OR56A3: variants seen among roughly 807,000 people sequenced by gnomAD.
The protein encoded by OR56A3 is olfactory receptor family 56 subfamily A member 3.
OR56A3 carries 23 observed loss-of-function variants against 17.5 expected under a neutral mutation model. That is an observed-to-expected ratio of 1.32 (90% CI 0.95 to 1.87). The LOEUF is 1.87. OR56A3 is among the 40% of genes most tolerant of loss of function. The pLI is 0.00. For synonymous variants in OR56A3, 175 were observed against 150.6 expected (o/e 1.16, Z -1.19); for missense variants, 366 against 380.1 (o/e 0.96, Z 0.31).
At chr11:5,985,410 G>T in the OR56A3 span, among the ~76,000 whole-genome samples, 1 of 152,090 alleles carries the variant, frequency 6.6e-6, no homozygotes, top group African/African-American at 2.4e-5. Context: ...ACTTATGTTT[G>T]TTTTAAATAA....
At chr11:5,995,078 G>C in the OR56A3 span, 3 of 607,910 alleles carry the variant, frequency 4.9e-6, no homozygotes, top group South Asian at 5.2e-5. Flanking sequence ...CTGCTGACTG[G>C]CCGGGTGCCA....
the OR56A3 span, among the ~76,000 whole-genome samples, chr11:6,015,950 A>C: frequency 5.9e-5 from 9 of 152,114 alleles, no homozygotes; most frequent in East Asian, 1.7e-3. Flanking sequence ...TGTGAGAAGG[A>C]CATGAGATTT....
At chr11:6,011,785 G>A in the OR56A3 span, among the ~76,000 whole-genome samples, 1 of 152,178 alleles carries the variant, frequency 6.6e-6, no homozygotes, top group Admixed American at 6.5e-5. Context: ...GAGCAGTGAG[G>A]GGTGGGTGTG....
At position 5,950,761 on chromosome 11, in the gene OR56A3, C is replaced by T. The variant is rs1322596550; in HGVS notation, c.*2467C>T. The T allele has an allele frequency of 6.6e-6, 1 of 152,042 alleles. No individual in the cohort carries two copies. Among genetic ancestry groups the T allele is most frequent in the African/African-American group, 2.4e-5 (1 of 41,410 alleles). The allele number at this position is 152,042 out of a possible 1,614,324, so 9.4% of individuals were successfully genotyped here. ...TTTTCTGTACTAAGTCTTTGAAACA[C>T]CCTGAGTATTTTACACTTAACATAC... On this transcript the variant is annotated 3_prime_UTR_variant, in exon 3 of 3. Transcript: ENST00000641160.
At chr11:5,999,436 C>T in the OR56A3 span, 1 of 152,142 alleles carries the variant, frequency 6.6e-6, no homozygotes, top group African/African-American at 2.4e-5. Flanking sequence ...TAAATTAACA[C>T]CATTTTCAAG....
chr11:5,998,666 T>C, the OR56A3 span, among the ~76,000 whole-genome samples: 1 of 152,138 alleles, frequency 6.6e-6, no homozygotes, highest in Non-Finnish European at 1.5e-5. Context: ...AAGAACCCAA[T>C]AGGACACTCT....
chr11:5,957,163 A>G, the OR56A3 span, among the ~76,000 whole-genome samples: 4 of 152,176 alleles, frequency 2.6e-5, no homozygotes, highest in African/African-American at 9.7e-5. Flanking sequence ...AAATAAATAA[A>G]TAAATAAATA....
At chr11:5,957,928 G>C in the OR56A3 span, among the ~76,000 whole-genome samples, 7 of 152,162 alleles carry the variant, frequency 4.6e-5, no homozygotes, top group South Asian at 2.1e-4. Context: ...TGAAATTCTA[G>C]TTATCCAGAA....
At chr11:5,984,069 C>A in the OR56A3 span, among the ~76,000 whole-genome samples, 4 of 152,110 alleles carry the variant, frequency 2.6e-5, no homozygotes, top group Admixed American at 6.5e-5. Flanking sequence ...ATTAAATTGC[C>A]TCATGTCCAG....
intron 1 of OR56A3, chr11:5,943,244 A>G (rs550344772): frequency 6.6e-6 from 1 of 152,292 alleles, no homozygotes; most frequent in East Asian, 1.9e-4. Flanking sequence ...TAATCCTCCC[A>G]TGTAATCCTC....
the OR56A3 span, chr11:5,999,330 T>C: frequency 2.0e-5 from 3 of 152,224 alleles, no homozygotes; most frequent in Admixed American, 2.0e-4. Context: ...GAAATAATAA[T>C]AATGATAAAT....
rs1188128311 is a variant in OR56A3, at chr11:5,950,814, A to G, written c.*2520A>G. On this transcript the variant is annotated 3_prime_UTR_variant, in exon 3 of 3. Transcript: ENST00000641160. Reference sequence around the variant, plus strand: ...TTTAATTCAGACTACCCAGATTCCAAGCATTCAATAGCCACGTGAGGCTAG... The same window carrying G: ...TTTAATTCAGACTACCCAGATTCCAGGCATTCAATAGCCACGTGAGGCTAG... 6.6e-6 allele frequency: 1 copy of G among 152,166 alleles called. No individual in the cohort carries two copies. The highest frequency in any genetic ancestry group is 6.5e-5 in the Admixed American group (1 of 15,280). The allele number at this position is 152,166 out of a possible 1,614,324, so 9.4% of individuals were successfully genotyped here.
At chr11:5,984,201 T>C in the OR56A3 span, among the ~76,000 whole-genome samples, 3 of 152,228 alleles carry the variant, frequency 2.0e-5, no homozygotes, top group African/African-American at 4.8e-5. Context: ...AAAGACATTT[T>C]TAAACAAACA....
chr11:6,002,724 A>T, the OR56A3 span: 2 of 1,614,248 alleles, frequency 1.2e-6, no homozygotes, highest in East Asian at 2.2e-5. Context: ...CCTGAGGTCA[A>T]ACCAGAAGAT....
the OR56A3 span, chr11:5,967,834 AAG>A: frequency 6.4e-7 from 1 of 1,565,144 alleles, no homozygotes; most frequent in Non-Finnish European, 8.7e-7. Context: ...ATAAAAAAGT[AAG>A]AGAGAACAAT....
chr11:5,979,979 A>G, the OR56A3 span, among the ~76,000 whole-genome samples: 2 of 152,066 alleles, frequency 1.3e-5, no homozygotes, highest in Non-Finnish European at 2.9e-5. Flanking sequence ...TTTAATTTCC[A>G]TGTAATTGTA....
chr11:5,961,322 G>A, the OR56A3 span, among the ~76,000 whole-genome samples: 1 of 152,234 alleles, frequency 6.6e-6, no homozygotes, highest in Non-Finnish European at 1.5e-5. Flanking sequence ...GGGGGAAATG[G>A]GAAAGGAAGG....
chr11:6,002,224 C>G, the OR56A3 span: 1 of 1,614,086 alleles, frequency 6.2e-7, no homozygotes, highest in Non-Finnish European at 8.5e-7. Context: ...ACCAGCAGGA[C>G]TGTGCTGAAG....
the OR56A3 span, among the ~76,000 whole-genome samples, chr11:6,013,091 GA>G: frequency 2.0e-5 from 3 of 152,222 alleles, no homozygotes; most frequent in African/African-American, 7.2e-5. Context: ...AGGGGTGTGG[GA>G]CTCCTGCCCA....
Sources: gnomAD v4.1 joint callset for allele counts (sites outside exome capture counted in the v4.1 genomes callset) on GRCh38, gnomAD v4.1.1 for gene constraint, MANE v1.5 for transcripts, NCBI Gene and HGNC (gene_info 2026-07-23, HGNC 2026-07-21) for gene names.